The following WWC1 variants were observed in gnomAD, a reference collection of about 807,000 sequenced individuals.
The protein encoded by WWC1 is WW and C2 domain containing 1.
A neutral mutation model predicts 138.4 loss-of-function variants in WWC1; 55 were observed. The ratio of observed to expected loss-of-function variants is 0.40; its 90% CI spans 0.32 to 0.50. WWC1 has a LOEUF of 0.50. Ranked by LOEUF, WWC1 falls within the 20% of genes least tolerant of loss-of-function variation. The pLI, the probability that WWC1 is intolerant of heterozygous loss-of-function variation, is 0.72. For missense variants in WWC1, 1,226 were observed against 1,420.4 expected, an observed-to-expected ratio of 0.86 and a Z score of 2.20; for synonymous variants, 524 against 564.9, an observed-to-expected ratio of 0.93 and a Z score of 1.03.
At chr5:168,344,417 A>G (rs1774298537) in intron 1 of WWC1, among the ~76,000 whole-genome samples, 1 of 152,162 alleles carries the variant, frequency 6.6e-6, no homozygotes, top group Non-Finnish European at 1.5e-5. Context: ...TTTACATTTC[A>G]GGCTCGGTTT....
Position 168,471,263 on chromosome 5 carries a change from G to C in WWC1, c.*2246G>C, listed in dbSNP as rs1202296437. On this transcript the variant is annotated 3_prime_UTR_variant, in exon 23 of 23. Transcript: ENST00000265293. ...GGCTTCCAGGCCCCCCTGTATAGCT[G>C]CTATCCAGCCCGATTTCTCACCACT... The C allele has an allele frequency of 2.0e-5, 3 of 152,674 alleles. No homozygotes were observed. Among genetic ancestry groups the C allele is most frequent in the Non-Finnish European group, 4.4e-5 (3 of 68,456 alleles). 9.5% of individuals were successfully genotyped at this position (152,674 alleles called of 1,614,324 possible).
chr5:168,422,251 C>G (rs532512483), intron 10 of WWC1, among the ~76,000 whole-genome samples, 154 bp downstream of exon 10: 1 of 152,178 alleles, frequency 6.6e-6, no homozygotes, highest in African/African-American at 2.4e-5. Flanking sequence ...CAGACTCGGG[C>G]GTGGCCTGGT....
chr5:168,414,709 C>T (rs1780473535), intron 9 of WWC1, 119 bp downstream of exon 9: 11 of 1,364,300 alleles, frequency 8.1e-6, no homozygotes, highest in African/African-American at 1.5e-5. Context: ...TGAGCACGCT[C>T]AGTTCAGAGA....
chr5:168,318,213 A>C (rs957271101), intron 1 of WWC1, among the ~76,000 whole-genome samples: 1 of 152,102 alleles, frequency 6.6e-6, no homozygotes, highest in African/African-American at 2.4e-5. Context: ...ACCAGCTCCC[A>C]ATTTTTTATA....
intron 19 of WWC1, 35 bp downstream of exon 19, chr5:168,455,555 A>G (rs192021839): frequency 1.3e-6 from 2 of 1,596,576 alleles, no homozygotes; most frequent in African/African-American, 1.4e-5. Context: ...TGCTCCCCTC[A>G]GGGTAGCCGA....
chr5:168,454,521 G>A (rs942870616), intron 18 of WWC1, among the ~76,000 whole-genome samples: 12 of 152,188 alleles, frequency 7.9e-5, no homozygotes, highest in African/African-American at 2.9e-4. Flanking sequence ...CCCACAGCGC[G>A]ACAGGAAAAA....
At chr5:168,329,438 TC>T (rs1376955937) in intron 1 of WWC1, among the ~76,000 whole-genome samples, 2 of 152,192 alleles carry the variant, frequency 1.3e-5, no homozygotes, top group African/African-American at 4.8e-5. Flanking sequence ...AGACCACACT[TC>T]CTTTTGGTAA....
At chr5:168,390,166 T>G (rs1582129086) in intron 3 of WWC1, among the ~76,000 whole-genome samples, 2 of 152,338 alleles carry the variant, frequency 1.3e-5, no homozygotes, top group South Asian at 4.1e-4. Flanking sequence ...AAAATCAATC[T>G]AATCATAGTA....
At chr5:168,370,103 T>A (rs1776636891) in intron 1 of WWC1, among the ~76,000 whole-genome samples, 1 of 151,616 alleles carries the variant, frequency 6.6e-6, no homozygotes. Context: ...TTCACCACAT[T>A]GAGCAGGCTG....
chr5:168,462,398 GTC>G (rs559392471), intron 20 of WWC1, among the ~76,000 whole-genome samples: 397 of 152,256 alleles, frequency 2.6e-3, no homozygotes, highest in African/African-American at 9.1e-3. Context: ...TTGTACTGCA[GTC>G]TCTGGAGCAC....
intron 15 of WWC1, among the ~76,000 whole-genome samples, chr5:168,436,996 G>T (rs1362902256): frequency 6.6e-6 from 1 of 151,960 alleles, no homozygotes; most frequent in Non-Finnish European, 1.5e-5. Context: ...GGCCTCCAAG[G>T]CCCCTTGGGA....
rs755168251 is a variant in WWC1 at position 168,322,433 on chromosome 5, TC to T, written c.119+30163del. On this transcript the variant is annotated intron_variant, in intron 1 of 22. Coordinates refer to ENST00000265293, the MANE Select transcript of WWC1 (RefSeq NM_015238.3). ...ATATCGACAAACAGGTGTGGCTGTG[TC>T]TCAGTAGAAACCTTATTTGCAGAAA... Among the ~76,000 whole-genome samples, 4 of 152,226 alleles carry T rather than the reference TC, an allele frequency of 2.6e-5. 1 individual carries two copies. The highest frequency in any genetic ancestry group is 3.8e-4 in the East Asian group (2 of 5,198).
intron 13 of WWC1, among the ~76,000 whole-genome samples, chr5:168,429,383 C>G (rs1259470026): frequency 6.6e-6 from 1 of 151,558 alleles, no homozygotes; most frequent in African/African-American, 2.4e-5. Context: ...CTCAGCCTCC[C>G]AAGTAGCTGG....
intron 1 of WWC1, among the ~76,000 whole-genome samples, chr5:168,343,158 T>C (rs1254338055): frequency 7.4e-6 from 1 of 135,428 alleles, no homozygotes; most frequent in Non-Finnish European, 1.6e-5. Context: ...CATATAATCA[T>C]GGTTTTAAAG....
At chr5:168,386,104 G>A (rs13170064) in intron 3 of WWC1, among the ~76,000 whole-genome samples, 41,916 of 151,568 alleles carry the variant, frequency 0.28, 5,958 homozygotes, top group South Asian at 0.41. Context: ...GCATCCATTT[G>A]CAAGGCTAAG....
intron 4 of WWC1, among the ~76,000 whole-genome samples, 162 bp from the exon 5 acceptor site, chr5:168,399,326 G>A (rs1561707147): frequency 1.3e-5 from 2 of 152,190 alleles, no homozygotes; most frequent in African/African-American, 2.4e-5. Flanking sequence ...GGCCAACATC[G>A]GTGACAGGAG....
At chr5:168,396,550 G>T (rs367876712) in intron 3 of WWC1, among the ~76,000 whole-genome samples, 1 of 152,076 alleles carries the variant, frequency 6.6e-6, no homozygotes. Flanking sequence ...CTGGCCTCCC[G>T]ACCAAGAATA....
intron 8 of WWC1, chr5:168,411,879 A>G (rs1280337761): frequency 1.3e-5 from 9 of 686,894 alleles, no homozygotes; most frequent in Non-Finnish European, 1.6e-5. Context: ...CTGTATGGGA[A>G]CCAGGTGACT....
At position 168,424,051 on chromosome 5, in the gene WWC1, G is replaced by A; in HGVS notation, c.1793G>A (p.Gly598Asp). 1 of 1,602,288 alleles carries A rather than the reference G, an allele frequency of 6.2e-7. No homozygotes were observed. The highest frequency in any genetic ancestry group is 8.5e-7 in the Non-Finnish European group (1 of 1,174,236). ...RYRLEEPGTE[G>D]KQLGQAVNTA... ...CGGCTGGAGGAACCAGGAACGGAGG[G>A]CAAGCAGCTGGGCCAAGGTAGAGAG... Residue 598 changes from glycine (G) to aspartate (D), a missense_variant, in exon 11 of 23, where the codon GGC becomes GAC. Coordinates refer to ENST00000265293, the MANE Select transcript of WWC1 (RefSeq NM_015238.3).
Sources: gnomAD v4.1 joint callset for allele counts (sites outside exome capture counted in the v4.1 genomes callset) on GRCh38, gnomAD v4.1.1 for gene constraint, MANE v1.5 for transcripts, NCBI Gene and HGNC (gene_info 2026-07-23, HGNC 2026-07-21) for gene names.